The following TKT variants were observed in gnomAD, a reference collection of about 807,000 sequenced individuals.
The protein encoded by TKT is transketolase, also known as epididymis luminal protein 107.
Under a neutral mutation model 63.9 loss-of-function variants are expected in TKT, and 47 were observed. The observed-to-expected ratio is 0.74, with a 90% CI of 0.58 to 0.94. TKT has a LOEUF of 0.94. Ranked by LOEUF, TKT falls within the 40% of genes least tolerant of loss-of-function variation. TKT has a pLI of 0.00. For missense variants in TKT, 721 were observed against 846.2 expected (o/e 0.85, Z 1.84); for synonymous variants, 338 against 334.1 (o/e 1.01, Z -0.13).
intron 6 of TKT, chr3:53,232,774 G>C: frequency 2.5e-6 from 1 of 408,102 alleles, no homozygotes; most frequent in South Asian, 9.1e-5. Flanking sequence ...GGCCCTGCCT[G>C]GCTCTGTGTC....
rs1456441496 is a variant in TKT at position 53,233,235 on chromosome 3, C to A, written c.669G>T (p.Glu223Asp). The A allele has an allele frequency of 1.2e-6, 2 of 1,613,400 alleles. No individual in the cohort carries two copies. Among genetic ancestry groups the A allele is most frequent in the Non-Finnish European group, 1.7e-6 (2 of 1,179,802 alleles). ...TGGCCTGGCCAAAGGCCTTGCACAGCTCCTCCACGCTGTGTCCATCCACGA... is the reference window on the plus strand; with the variant it reads ...TGGCCTGGCCAAAGGCCTTGCACAGATCCTCCACGCTGTGTCCATCCACGA... ...AIIVDGHSVE[E>D]LCKAFGQAKH... Residue 223 changes from glutamate to aspartate, a missense_variant, in exon 6 of 14, where the codon GAG becomes GAT. By Grantham distance (45) the Glu-to-Asp change is conservative. Transcript: ENST00000462138.
intron 6 of TKT, 36 bp downstream of exon 6, chr3:53,233,120 G>C: frequency 1.3e-5 from 21 of 1,577,278 alleles, no homozygotes; most frequent in Non-Finnish European, 1.8e-5. Flanking sequence ...TCTGGGCGAG[G>C]GGTGAAGGTG....
chr3:53,225,758 A>T lies in TKT; in HGVS notation c.1870T>A (p.Ter624LysextTer45), dbSNP rs1419130829. Residue 624 changes from the stop codon to lysine (K), a stop_lost, in exon 14 of 14, where the codon TAG becomes AAG. Transcript: ENST00000462138. Reference sequence around the variant, plus strand: ...CCGCCCCACACTTCATACCCGCCCTAGGCCTTGGTGATGAGGCCCCTCACA... The same window carrying T: ...CCGCCCCACACTTCATACCCGCCCTTGGCCTTGGTGATGAGGCCCCTCACA... ...QAVRGLITKA[*>K] 1 of 1,611,132 alleles carries T rather than the reference A, an allele frequency of 6.2e-7. No homozygotes were observed.
intron 1 of TKT, among the ~76,000 whole-genome samples, chr3:53,247,888 A>C (rs1705586905): frequency 2.0e-5 from 3 of 152,022 alleles, no homozygotes; most frequent in Admixed American, 2.0e-4. Context: ...TTGCCACCTG[A>C]CATTAGGTGG....
At chr3:53,229,227 C>T in intron 9 of TKT, 53 bp downstream of exon 9, 2 of 1,613,084 alleles carry the variant, frequency 1.2e-6, no homozygotes, top group Non-Finnish European at 1.7e-6. Context: ...TCCCATACCT[C>T]CTGGTGCAAA....
In TKT at chr3:53,225,131, A is replaced by C. The variant is rs1553675141; in HGVS notation, c.*625T>G. The C allele has an allele frequency of 6.6e-6, 1 of 152,204 alleles. No homozygotes were observed. The highest frequency in any genetic ancestry group is 1.9e-4 in the East Asian group (1 of 5,204). The allele number at this position is 152,204 out of a possible 1,614,324, so 9.4% of individuals were successfully genotyped here. A position where few individuals can be genotyped will look rare whatever the true frequency, so the allele number is the denominator to read the frequency against. On this transcript the variant is annotated 3_prime_UTR_variant, in exon 14 of 14. Coordinates refer to ENST00000462138, the MANE Select transcript of TKT (RefSeq NM_001064.4). ...AACAAGTTGAGGGGGACAGTTCCAC[A>C]CTTGGGATTGAGGACCTCTCATGCC...
Position 53,253,908 on chromosome 3 carries a change from C to A in TKT, c.107+1928G>T, listed in dbSNP as rs538871982. Reference sequence around the variant, plus strand: ...TGAACCACCATGCCCTGCCAAGAAGCATTCCTGACAGCATGAGCCCCAACC... The same window carrying A: ...TGAACCACCATGCCCTGCCAAGAAGAATTCCTGACAGCATGAGCCCCAACC... On this transcript the variant is annotated intron_variant, in intron 1 of 13. Transcript: ENST00000462138. Among the ~76,000 whole-genome samples, 3 of 152,184 alleles carry A rather than the reference C, an allele frequency of 2.0e-5. No individual in the cohort carries two copies. The South Asian group carries it at 6.2e-4, about 31-fold the overall frequency.
chr3:53,229,427 C>T lies in TKT; in HGVS notation c.1117G>A (p.Ala373Thr), dbSNP rs781940687. Residue 373 changes from alanine (A) to threonine (T), a missense_variant, in exon 9 of 14, where the codon GCG (alanine) becomes ACG (threonine). By Grantham distance (58) the Ala-to-Thr change is moderately conservative. Transcript: ENST00000462138. ...CTGTTGCGGGTGGCACAGCCCACCG[C>T]GATGCTCACCTGGGGGCAGGTGGGA... ...YIAEQNMVSI[A>T]VGCATRNRTV... is the part of the protein sequence containing the mutation. The T allele has an allele frequency of 6.8e-6, 11 of 1,605,946 alleles. No individual in the cohort carries two copies. The highest frequency in any genetic ancestry group is 6.7e-5 in the African/African-American group (5 of 74,720).
chr3:53,255,310 T>C (rs1462148410), intron 1 of TKT, among the ~76,000 whole-genome samples: 1 of 152,166 alleles, frequency 6.6e-6, no homozygotes, highest in Non-Finnish European at 1.5e-5. Context: ...ACAGGGTCTC[T>C]AGAGTCGGAC....
chr3:53,226,742 C>T lies in TKT; in HGVS notation c.1696+14G>A. ...CTGTCCCTTGCCCAGCCTGCCTGCC[C>T]CAGGCCTCCTTACCTTCATAATAAT... On this transcript the variant is annotated intron_variant, in intron 13 of 13. Coordinates refer to ENST00000462138, the MANE Select transcript of TKT (RefSeq NM_001064.4). 6.2e-7 allele frequency: 1 copy of T among 1,614,132 alleles called. No homozygotes were observed. Among genetic ancestry groups the T allele is most frequent in the Non-Finnish European group, 8.5e-7 (1 of 1,179,994 alleles).
intron 12 of TKT, 71 bp downstream of exon 12, chr3:53,227,964 CAAGAAAGAACAGAAAGAACGA>C: frequency 6.2e-6 from 7 of 1,128,196 alleles, no homozygotes; most frequent in African/African-American, 1.6e-5. Context: ...GTGAGCTCTT[CAAGAAAGAACAGAAAGAACGA>C]AAGAAAGAAC....
chr3:53,244,068 G>A (rs563524028), intron 1 of TKT, among the ~76,000 whole-genome samples: 2 of 152,344 alleles, frequency 1.3e-5, no homozygotes, highest in African/African-American at 2.4e-5. Flanking sequence ...TAGAGTAAAC[G>A]TGGAGAGAGG....
chr3:53,244,885 C>G (rs1256429516), intron 1 of TKT, among the ~76,000 whole-genome samples: 1 of 117,390 alleles, frequency 8.5e-6, no homozygotes, highest in African/African-American at 3.5e-5. Context: ...CTTGACTGTT[C>G]AAAAAAAAAA....
At chr3:53,247,175 G>A (rs1705549518) in intron 1 of TKT, among the ~76,000 whole-genome samples, 1 of 151,694 alleles carries the variant, frequency 6.6e-6, no homozygotes, top group African/African-American at 2.4e-5. Context: ...TGGCCAACAA[G>A]GTGAAACCCC....
intron 1 of TKT, among the ~76,000 whole-genome samples, chr3:53,245,725 C>T (rs1705476322): frequency 6.6e-6 from 1 of 151,972 alleles, no homozygotes; most frequent in Admixed American, 6.6e-5. Context: ...GCGTGGGTTG[C>T]AATGAGCCGA....
chr3:53,249,705 T>C (rs980600660), intron 1 of TKT, among the ~76,000 whole-genome samples: 8 of 152,156 alleles, frequency 5.3e-5, no homozygotes, highest in Admixed American at 1.3e-4. Flanking sequence ...CAAATGCAAC[T>C]GACTTCTGAG....
intron 1 of TKT, among the ~76,000 whole-genome samples, chr3:53,242,770 AGGGGTGC>A: frequency 1.3e-5 from 2 of 152,102 alleles, no homozygotes; most frequent in Non-Finnish European, 2.9e-5. Context: ...CTCAGCACCC[AGGGGTGC>A]TGGGCCTCTG....
intron 12 of TKT, chr3:53,227,561 G>A (rs1220021055): frequency 6.2e-6 from 1 of 160,576 alleles, no homozygotes; most frequent in Non-Finnish European, 1.4e-5. Flanking sequence ...TTGCAGGAGA[G>A]GCCAATGCCT....
At chr3:53,255,703 C>A in intron 1 of TKT, 133 bp downstream of exon 1, 1 of 497,402 alleles carries the variant, frequency 2.0e-6, no homozygotes, top group Non-Finnish European at 3.0e-6. Context: ...CGTCTCCGCC[C>A]TCCGACGGCG....
Sources: allele counts gnomAD v4.1 joint callset (sites outside exome capture counted in the v4.1 genomes callset), GRCh38; gene constraint gnomAD v4.1.1; transcripts MANE v1.5; gene names NCBI Gene and HGNC (gene_info 2026-07-23, HGNC 2026-07-21).